The following IGSF21 variants were observed in gnomAD, a reference collection of about 807,000 sequenced individuals.
The protein encoded by IGSF21 is immunoglobin superfamily member 21.
In IGSF21, 28 loss-of-function variants were observed where a neutral mutation model predicts 46.8. The observed-to-expected ratio is 0.60, with a 90% CI of 0.44 to 0.82. The LOEUF (loss-of-function observed/expected upper bound fraction) is 0.82, where lower values mean the gene tolerates loss of function less well. Ranked by LOEUF, IGSF21 falls within the 40% of genes least tolerant of loss-of-function variation. The pLI, the probability that IGSF21 is intolerant of heterozygous loss-of-function variation, is 0.00. For missense variants in IGSF21, 624 were observed against 665.5 expected, an observed-to-expected ratio of 0.94 and a Z score of 0.69; for synonymous variants, 284 against 273.6, an observed-to-expected ratio of 1.04 and a Z score of -0.38.
intron 6 of IGSF21, among the ~76,000 whole-genome samples, chr1:18,369,547 C>G (rs1384878741): frequency 6.6e-6 from 1 of 152,178 alleles, no homozygotes; most frequent in African/African-American, 2.4e-5. Flanking sequence ...GTCACTGAGC[C>G]AGGGGATATG....
intron 1 of IGSF21, among the ~76,000 whole-genome samples, chr1:18,210,978 C>G (rs1375834979): frequency 6.6e-6 from 1 of 152,088 alleles, no homozygotes; most frequent in African/African-American, 2.4e-5. Context: ...AGTGGTCCTC[C>G]CACCTCAGCC....
intron 3 of IGSF21, among the ~76,000 whole-genome samples, chr1:18,310,378 A>G (rs2085477397): frequency 1.3e-5 from 2 of 152,122 alleles, no homozygotes; most frequent in Admixed American, 1.3e-4. Context: ...TCTAATTTAG[A>G]CTATTAGAAT....
At chr1:18,217,171 G>A (rs2084457890) in intron 1 of IGSF21, among the ~76,000 whole-genome samples, 1 of 152,124 alleles carries the variant, frequency 6.6e-6, no homozygotes, top group South Asian at 2.1e-4. Context: ...ATCCACAATG[G>A]TTCTCTTAGG....
intron 2 of IGSF21, among the ~76,000 whole-genome samples, chr1:18,287,058 G>A (rs986682284): frequency 6.6e-6 from 1 of 150,978 alleles, no homozygotes; most frequent in Non-Finnish European, 1.5e-5. Flanking sequence ...GCGGGCACCT[G>A]TAGTCCCAGC....
intron 1 of IGSF21, among the ~76,000 whole-genome samples, chr1:18,147,287 G>A (rs1378222734): frequency 6.6e-6 from 1 of 152,050 alleles, no homozygotes; most frequent in Non-Finnish European, 1.5e-5. Flanking sequence ...GGTGGTGCCT[G>A]CTCTCCCACC....
At chr1:18,222,934 G>A (rs897692788) in intron 1 of IGSF21, among the ~76,000 whole-genome samples, 2 of 152,160 alleles carry the variant, frequency 1.3e-5, no homozygotes, top group Non-Finnish European at 2.9e-5. Flanking sequence ...CTGTGATCCA[G>A]GTGTTGATTG....
At chr1:18,339,513 C>T (rs1001894507) in intron 4 of IGSF21, among the ~76,000 whole-genome samples, 1 of 152,170 alleles carries the variant, frequency 6.6e-6, no homozygotes, top group African/African-American at 2.4e-5. Flanking sequence ...GGGTGGATCT[C>T]TTGAGCCCAG....
At position 18,376,940 on chromosome 1, in the gene IGSF21, C is replaced by T. The variant is rs372579085; in HGVS notation, c.1242C>T (p.Thr414=). The change falls in exon 8 of 10, where the codon ACC becomes ACT. Residue 414 remains threonine (T), a synonymous_variant. Coordinates refer to ENST00000251296, the MANE Select transcript of IGSF21 (RefSeq NM_032880.5). ...TCAATGGCTCCATGTATCGCTGCAC[C>T]GCCCAGAACCCACTGGGCTCCACCG... is the stretch of plus-strand genomic sequence containing the variant. The part of the protein sequence containing the change: ...AELNGSMYRC[T]AQNPLGSTDT... 5.2e-5 allele frequency: 83 copies of T among 1,606,714 alleles called. No individual in the cohort carries two copies. The highest frequency in any genetic ancestry group is 5.0e-4 in the Middle Eastern group (3 of 6,060).
intron 3 of IGSF21, among the ~76,000 whole-genome samples, chr1:18,302,883 T>G (rs1253836220): frequency 1.3e-5 from 2 of 152,176 alleles, no homozygotes; most frequent in Non-Finnish European, 2.9e-5. Context: ...GTTCTCTACC[T>G]ACCTTCCCCC....
chr1:18,122,286 G>A (rs926287635), intron 1 of IGSF21, among the ~76,000 whole-genome samples: 15 of 131,464 alleles, frequency 1.1e-4, no homozygotes, highest in East Asian at 2.8e-4. Flanking sequence ...TGCAACCTCC[G>A]CCCCCAGGGT....
chr1:18,358,253 A>G (rs149903871), intron 4 of IGSF21, among the ~76,000 whole-genome samples: 406 of 152,272 alleles, frequency 2.7e-3, no homozygotes, highest in African/African-American at 9.6e-3. Context: ...GTTGTCCAAG[A>G]GAAATATAAT....
At chr1:18,265,107 G>C (rs1474965407) in intron 2 of IGSF21, among the ~76,000 whole-genome samples, 1 of 152,220 alleles carries the variant, frequency 6.6e-6, no homozygotes, top group Non-Finnish European at 1.5e-5. Flanking sequence ...CATTGGATGA[G>C]AAAACTGAAC....
At chr1:18,183,892 C>A (rs988005255) in intron 1 of IGSF21, among the ~76,000 whole-genome samples, 1 of 152,052 alleles carries the variant, frequency 6.6e-6, no homozygotes. Context: ...ATTGCTCAAC[C>A]GAACATCCCA....
chr1:18,166,725 C>T (rs2124452273), intron 1 of IGSF21, among the ~76,000 whole-genome samples: 1 of 152,288 alleles, frequency 6.6e-6, no homozygotes, highest in South Asian at 2.1e-4. Context: ...CTCAGGGACT[C>T]ATGGTCAGGA....
chr1:18,272,636 G>T (rs2085053740), intron 2 of IGSF21, among the ~76,000 whole-genome samples: 1 of 152,204 alleles, frequency 6.6e-6, no homozygotes, highest in African/African-American at 2.4e-5. Context: ...TTCCAGCTTT[G>T]GAATGAGTGG....
At chr1:18,122,589 T>C (rs558873181) in intron 1 of IGSF21, among the ~76,000 whole-genome samples, 1 of 151,936 alleles carries the variant, frequency 6.6e-6, no homozygotes, top group African/African-American at 2.4e-5. Context: ...GGGAATAATG[T>C]ATGGGTTTGT....
intron 2 of IGSF21, among the ~76,000 whole-genome samples, chr1:18,273,458 CTCTCTCTTTCTTTCTTTCTT>C (rs1165709093): frequency 8.4e-5 from 4 of 47,486 alleles, no homozygotes; most frequent in Non-Finnish European, 1.5e-4. Flanking sequence ...TTCTTTCTTT[CTCTCTCTTTCTTTCTTTCTT>C]TCTTTCTTTC....
chr1:18,291,399 G>A (rs538562233), intron 2 of IGSF21, among the ~76,000 whole-genome samples: 2 of 152,276 alleles, frequency 1.3e-5, no homozygotes, highest in Non-Finnish European at 2.9e-5. Context: ...TGCCCCTTTC[G>A]ATTCATCCTC....
chr1:18,235,405 A>C (rs899001226), intron 2 of IGSF21, among the ~76,000 whole-genome samples: 1 of 152,252 alleles, frequency 6.6e-6, no homozygotes, highest in Non-Finnish European at 1.5e-5. Context: ...GGAAGATACC[A>C]GCTAATGATA....
Sources: allele counts gnomAD v4.1 joint callset (sites outside exome capture counted in the v4.1 genomes callset), GRCh38; gene constraint gnomAD v4.1.1; transcripts MANE v1.5; gene names NCBI Gene and HGNC (gene_info 2026-07-23, HGNC 2026-07-21).